Variants in SLC26A8 observed in about 807,000 individuals in gnomAD.
SLC26A8 encodes the protein testis anion transporter 1.
SLC26A8 carries 70 observed loss-of-function variants against 105.0 expected under a neutral mutation model. The observed-to-expected ratio is 0.67, with a 90% CI of 0.55 to 0.81. The LOEUF (loss-of-function observed/expected upper bound fraction) is 0.81. Among genes scored for constraint, SLC26A8 ranks in the 40% least tolerant of loss-of-function variants. The pLI, the probability that SLC26A8 is intolerant of heterozygous loss-of-function variation, is 0.00. For missense variants in SLC26A8, 998 were observed against 1,181.8 expected (o/e 0.84, Z 2.28); for synonymous variants, 415 against 438.3 (o/e 0.95, Z 0.66).
Position 35,979,508 on chromosome 6 carries a change from A to C in SLC26A8, c.1026-2157T>G, listed in dbSNP as rs192052134. 2.3e-4 allele frequency among the ~76,000 whole-genome samples: 35 copies of C among 152,212 alleles called. 1 individual carries two copies. In the East Asian group the frequency reaches 6.2e-3, roughly 27 times the overall value. ...ATAATAAAATAATTTATAACTGACA[A>C]GCTCCTTTGCGTTTTCCAGGTAATG... On this transcript the variant is annotated intron_variant, in intron 8 of 19. Transcript: ENST00000490799.
At chr6:35,984,978 A>T (rs1411924382) in intron 7 of SLC26A8, among the ~76,000 whole-genome samples, 2 of 152,122 alleles carry the variant, frequency 1.3e-5, no homozygotes, top group Non-Finnish European at 2.9e-5. Context: ...TTTACAACCC[A>T]TTCTCTTTGA....
At chr6:35,983,778 T>C (rs1167685964) in intron 7 of SLC26A8, among the ~76,000 whole-genome samples, 1 of 152,014 alleles carries the variant, frequency 6.6e-6, no homozygotes, top group Non-Finnish European at 1.5e-5. Flanking sequence ...TGTTCTTGAA[T>C]TCCTGACCTC....
At chr6:35,956,342 C>T (rs559946425) in intron 16 of SLC26A8, among the ~76,000 whole-genome samples, 3 of 148,998 alleles carry the variant, frequency 2.0e-5, no homozygotes, top group South Asian at 2.1e-4. Flanking sequence ...GTGAGAGGAT[C>T]GCTTGAAGCT....
rs1047141079 is a variant in SLC26A8 at position 36,016,504 on chromosome 6, A to G, written c.188+3016T>C. On this transcript the variant is annotated intron_variant, in intron 2 of 19. Transcript: ENST00000490799. ...ATGACAAACATTTCTATATTACATTACAATTGCTAAAGAGATCTTGAAATA... is the reference window on the plus strand; with the variant it reads ...ATGACAAACATTTCTATATTACATTGCAATTGCTAAAGAGATCTTGAAATA... Among the ~76,000 whole-genome samples, 27 of 152,238 alleles carry G rather than the reference A, an allele frequency of 1.8e-4. 1 individual carries two copies. Among genetic ancestry groups the G allele is most frequent in the Admixed American group, 1.4e-3 (22 of 15,280 alleles).
chr6:35,997,770 C>T lies in SLC26A8; in HGVS notation c.595G>A (p.Ala199Thr), dbSNP rs1178230239. The change falls in exon 5 of 20, where the codon GCA becomes ACA. Residue 199 changes from alanine to threonine, a missense_variant. Coordinates refer to ENST00000490799, the MANE Select transcript of SLC26A8 (RefSeq NM_052961.4). Reference protein sequence around the residue: ...MGYNKSLSVVATTTFLTGIIQ... With the variant: ...MGYNKSLSVVTTTTFLTGIIQ... The stretch of plus-strand genomic sequence containing the variant: ...ATCCCAGTCAGAAAAGTTGTGGTTG[C>T]CACCACACTCAAGGATTTATTATAG... The T allele has an allele frequency of 6.2e-7, 1 of 1,614,054 alleles. No individual in the cohort carries two copies. The highest frequency in any genetic ancestry group is 1.1e-5 in the South Asian group (1 of 91,072).
At chr6:35,951,101 ACCCAT>A in intron 19 of SLC26A8, 57 bp downstream of exon 19, 2 of 1,072,412 alleles carry the variant, frequency 1.9e-6, no homozygotes, top group Non-Finnish European at 1.3e-6. Context: ...ACCACCCCTC[ACCCAT>A]CCCCCCACTG....
At chr6:36,013,198 AC>A (rs1761908705) in intron 2 of SLC26A8, among the ~76,000 whole-genome samples, 1 of 149,552 alleles carries the variant, frequency 6.7e-6, no homozygotes, top group Non-Finnish European at 1.5e-5. Flanking sequence ...ATGTCCAGAG[AC>A]TTTTTTTTTT....
Position 35,969,475 on chromosome 6 carries a change from G to A in SLC26A8, c.1288-521C>T, listed in dbSNP as rs185724920. On this transcript the variant is annotated intron_variant, in intron 10 of 19. Transcript: ENST00000490799. ...TAGCTGGGCTTGGTGGTGTGTGCCT[G>A]TAATTCCAGCTACTTGGGAGGCTGA... 6.6e-3 allele frequency: 1,019 copies of A among 153,996 alleles called. 9 individuals carry two copies. Among genetic ancestry groups the A allele is most frequent in the South Asian group, 0.018 (92 of 4,994 alleles). 9.5% of individuals were successfully genotyped at this position (153,996 alleles called of 1,614,324 possible).
chr6:35,994,802 C>T (rs1456184961), intron 5 of SLC26A8, among the ~76,000 whole-genome samples: 2 of 152,112 alleles, frequency 1.3e-5, no homozygotes, highest in Non-Finnish European at 2.9e-5. Context: ...GTCTTGAACT[C>T]CTGACCTCAA....
chr6:35,997,853 T>G lies in SLC26A8; in HGVS notation c.512A>C (p.Gln171Pro), dbSNP rs1311075001. 3.1e-6 allele frequency: 5 copies of G among 1,614,032 alleles called. No homozygotes were observed. The African/African-American group carries it at 6.7e-5, about 22-fold the overall frequency. Residue 171 changes from glutamine to proline, a missense_variant, in exon 5 of 20, where the codon CAA becomes CCA. Coordinates refer to ENST00000490799, the MANE Select transcript of SLC26A8 (RefSeq NM_052961.4). ...VLKVSPFNNG[Q>P]LVMGSFVKNE... ...CTTGACGAAAGATCCCATGACCAGT[T>G]GACCGTTGTTGAATGGGCTCACTTT...
intron 16 of SLC26A8, 78 bp downstream of exon 16, chr6:35,959,382 T>TA: frequency 4.1e-6 from 5 of 1,205,230 alleles, no homozygotes; most frequent in Non-Finnish European, 5.5e-6. Context: ...GAGGTTTTGA[T>TA]TTTTTTTTTA....
At chr6:35,953,078 A>C (rs144642940) in intron 17 of SLC26A8, among the ~76,000 whole-genome samples, 18 of 152,150 alleles carry the variant, frequency 1.2e-4, no homozygotes, top group Non-Finnish European at 2.5e-4. Context: ...TTTCAATTAT[A>C]AAGTAAATAG....
chr6:35,988,845 T>G (rs1048618228), intron 7 of SLC26A8, among the ~76,000 whole-genome samples: 2 of 149,528 alleles, frequency 1.3e-5, no homozygotes, highest in Admixed American at 6.6e-5. Context: ...TATACGGTTT[T>G]TTTTTTTTTT....
At chr6:35,990,282 TC>T in intron 7 of SLC26A8, 1 of 280,022 alleles carries the variant, frequency 3.6e-6, no homozygotes, top group Non-Finnish European at 6.8e-6. Context: ...TGGATACATG[TC>T]CATTTTTGAG....
intron 3 of SLC26A8, among the ~76,000 whole-genome samples, chr6:36,008,119 CA>C (rs35551131): frequency 0.23 from 16,480 of 70,420 alleles, 861 homozygotes; most frequent in Middle Eastern, 0.3. Flanking sequence ...GACTCCGTCT[CA>C]AAAAAAAAAA....
intron 7 of SLC26A8, among the ~76,000 whole-genome samples, chr6:35,989,319 AG>A (rs1192733755): frequency 6.6e-6 from 1 of 152,186 alleles, no homozygotes; most frequent in East Asian, 1.9e-4. Flanking sequence ...TTCCTGCTCT[AG>A]GAATTCATGT....
chr6:36,017,440 T>A (rs920136438), intron 2 of SLC26A8, among the ~76,000 whole-genome samples: 25 of 152,120 alleles, frequency 1.6e-4, no homozygotes, highest in Admixed American at 9.8e-4. Flanking sequence ...AAAACCAGCC[T>A]GGCCAACATG....
At chr6:35,960,126 C>T (rs1193654252) in intron 14 of SLC26A8, 1 of 205,788 alleles carries the variant, frequency 4.9e-6, no homozygotes, top group Non-Finnish European at 9.7e-6. Flanking sequence ...CCACGCTGGT[C>T]TCAAATGCCT....
intron 1 of SLC26A8, among the ~76,000 whole-genome samples, chr6:36,022,354 A>T (rs1762147268): frequency 6.6e-6 from 1 of 152,356 alleles, no homozygotes; most frequent in Non-Finnish European, 1.5e-5. Context: ...TCTAGAGCTG[A>T]GTTGTCCAGT....
Sources: allele counts gnomAD v4.1 joint callset (sites outside exome capture counted in the v4.1 genomes callset), GRCh38; gene constraint gnomAD v4.1.1; transcripts MANE v1.5; gene names NCBI Gene and HGNC (gene_info 2026-07-23, HGNC 2026-07-21).